Variants in APAF1 observed in about 807,000 individuals in gnomAD.
APAF1 encodes apoptotic peptidase activating factor 1.
A neutral mutation model predicts 152.4 loss-of-function variants in APAF1; 91 were observed. That is an observed-to-expected ratio of 0.60 (90% CI 0.50 to 0.71). The LOEUF is 0.71. Among genes scored for constraint, APAF1 ranks in the 30% least tolerant of loss-of-function variants. APAF1 has a pLI of 0.00. For synonymous variants in APAF1, 484 were observed against 494.1 expected, an observed-to-expected ratio of 0.98 and a Z score of 0.27; for missense variants, 1,283 against 1,472.0, an observed-to-expected ratio of 0.87 and a Z score of 2.10.
chr12:98,706,690 A>T, intron 19 of APAF1, 80 bp downstream of exon 19: 1 of 1,524,888 alleles, frequency 6.6e-7, no homozygotes, highest in Non-Finnish European at 9.1e-7. Flanking sequence ...ATTGATGGGT[A>T]GCACTGAGGT....
intron 12 of APAF1, among the ~76,000 whole-genome samples, chr12:98,673,506 A>G (rs1014161914): frequency 6.6e-6 from 1 of 151,806 alleles, no homozygotes; most frequent in East Asian, 1.9e-4. Context: ...TGCTCTTTCC[A>G]TATGTCATGC....
chr12:98,647,245 G>T (rs1374682412), intron 1 of APAF1, among the ~76,000 whole-genome samples: 1 of 143,780 alleles, frequency 7.0e-6, no homozygotes, highest in Non-Finnish European at 1.5e-5. Flanking sequence ...GTGAAACCCC[G>T]TCTGTACTAA....
intron 7 of APAF1, among the ~76,000 whole-genome samples, chr12:98,665,253 C>T (rs1053834477): frequency 3.5e-5 from 3 of 85,226 alleles, no homozygotes; most frequent in African/African-American, 9.2e-5. Context: ...CTTAGACTGG[C>T]GCATATATAT....
intron 20 of APAF1, 50 bp from the exon 21 acceptor site, chr12:98,712,269 A>G (rs1189719230): frequency 2.8e-6 from 3 of 1,058,368 alleles, no homozygotes; most frequent in Non-Finnish European, 4.4e-6. Flanking sequence ...TCTGACGAAC[A>G]AAAACTGCTC....
intron 18 of APAF1, among the ~76,000 whole-genome samples, chr12:98,704,852 T>G (rs985567938): frequency 6.6e-6 from 1 of 152,174 alleles, no homozygotes; most frequent in Non-Finnish European, 1.5e-5. Context: ...TAATCTCAGC[T>G]CACTGCAACC....
Position 98,662,702 on chromosome 12 carries a change from G to C in APAF1, c.851G>C (p.Ser284Thr), listed in dbSNP as rs1410958872. 6.2e-7 allele frequency: 1 copy of C among 1,613,204 alleles called. No homozygotes were observed. Among genetic ancestry groups the C allele is most frequent in the Non-Finnish European group, 8.5e-7 (1 of 1,179,628 alleles). Residue 284 changes from serine to threonine, a missense_variant, in exon 7 of 27, where the codon AGT (serine) becomes ACT (threonine). Ser to Thr is a moderately conservative substitution (Grantham distance 58). Transcript: ENST00000551964. ...MGPKYVVPVE[S>T]SLGKEKGLEI... The stretch of plus-strand genomic sequence containing the variant: ...CCTAAATATGTAGTCCCTGTGGAGA[G>C]TTCCTTAGGAAAGGAAAAAGGACTT...
At chr12:98,707,663 T>C (rs7315547) in intron 19 of APAF1, among the ~76,000 whole-genome samples, 36,929 of 148,518 alleles carry the variant, frequency 0.25, 4,911 homozygotes, top group African/African-American at 0.33. Flanking sequence ...CATTCAGTGC[T>C]TACTATATTC....
At chr12:98,646,843 A>G (rs191538718) in intron 1 of APAF1, among the ~76,000 whole-genome samples, 2 of 152,190 alleles carry the variant, frequency 1.3e-5, no homozygotes, top group Non-Finnish European at 2.9e-5. Flanking sequence ...AAAGGCTGTT[A>G]TTCTTTCCTC....
intron 16 of APAF1, among the ~76,000 whole-genome samples, chr12:98,690,751 C>T (rs2097703265): frequency 6.6e-6 from 1 of 152,178 alleles, no homozygotes; most frequent in Non-Finnish European, 1.5e-5. Flanking sequence ...TAATCCTTTT[C>T]TGCTGTTCTT....
intron 26 of APAF1, among the ~76,000 whole-genome samples, chr12:98,728,136 T>C (rs2097753937): frequency 6.6e-6 from 1 of 152,132 alleles, no homozygotes; most frequent in African/African-American, 2.4e-5. Context: ...TCCAGAGCTG[T>C]CATACTGCCT....
At chr12:98,700,951 T>C (rs150839793) in intron 17 of APAF1, among the ~76,000 whole-genome samples, 9 of 152,316 alleles carry the variant, frequency 5.9e-5, no homozygotes, top group African/African-American at 2.2e-4. Flanking sequence ...TTCTTATGGC[T>C]GAATAATATT....
chr12:98,667,587 CTG>C lies in APAF1; in HGVS notation c.1439_1440del (p.Cys480TyrfsTer31). Reference sequence around the variant, plus strand: ...ATACTCTTTCACCAGATCAGGAAGACTGTATGTATTGGTACAACTTTCTGGCC... The same window carrying C: ...ATACTCTTTCACCAGATCAGGAAGACTATGTATTGGTACAACTTTCTGGCC... The part of the protein sequence containing the change: ...PHTLSPDQED[C>X]MYWYNFLAYH... On this transcript the variant is annotated frameshift_variant, in exon 10 of 27. Coordinates refer to ENST00000551964, the MANE Select transcript of APAF1 (RefSeq NM_181861.2). LOFTEE classifies it high-confidence loss of function. 1 of 1,614,038 alleles carries C rather than the reference CTG, an allele frequency of 6.2e-7. No homozygotes were observed. Among genetic ancestry groups the C allele is most frequent in the Non-Finnish European group, 8.5e-7 (1 of 1,179,956 alleles).
chr12:98,686,740 A>T lies in APAF1; in HGVS notation c.2179-8A>T, dbSNP rs1177020900. 2 of 1,612,450 alleles carry T rather than the reference A, an allele frequency of 1.2e-6. No individual in the cohort carries two copies. The highest frequency in any genetic ancestry group is 4.5e-5 in the East Asian group (2 of 44,804). ...TTGTTTATTTATCTTTTTTTCTTTC[A>T]CAAATAGCTTTGGGATTTGAATCAA... On this transcript the variant is annotated splice_polypyrimidine_tract_variant and splice_region_variant and intron_variant, in intron 15 of 26. Coordinates refer to ENST00000551964, the MANE Select transcript of APAF1 (RefSeq NM_181861.2).
At position 98,708,655 on chromosome 12, in the gene APAF1, A is replaced by T. The variant is rs757495661; in HGVS notation, c.2792A>T (p.Gln931Leu). 8 of 1,613,736 alleles carry T rather than the reference A, an allele frequency of 5.0e-6. No homozygotes were observed. The East Asian group carries it at 1.6e-4, about 31-fold the overall frequency. Residue 931 changes from glutamine (Q) to leucine (L), a missense_variant, in exon 20 of 27, where the codon CAA becomes CTA. Gln to Leu is a moderately radical substitution (Grantham distance 113). Transcript: ENST00000551964. Reference protein sequence around the residue: ...MLKQEVDVVFQENEVMVLAVD... With the variant: ...MLKQEVDVVFLENEVMVLAVD... Reference sequence around the variant, plus strand: ...AAGCAAGAAGTAGATGTTGTGTTTCAAGAAAATGAAGTGATGGTCCTTGCA... The same window carrying T: ...AAGCAAGAAGTAGATGTTGTGTTTCTAGAAAATGAAGTGATGGTCCTTGCA...
chr12:98,728,799 C>G (rs1368684748), intron 26 of APAF1, among the ~76,000 whole-genome samples: 1 of 152,226 alleles, frequency 6.6e-6, no homozygotes, highest in Non-Finnish European at 1.5e-5. Flanking sequence ...ACCCAGGTCT[C>G]TGCCTCTGCT....
Position 98,678,300 on chromosome 12 carries a change from G to A in APAF1, c.1920+749G>A, listed in dbSNP as rs534837290. 2.6e-3 allele frequency among the ~76,000 whole-genome samples: 390 copies of A among 152,350 alleles called. 1 individual carries two copies. Among genetic ancestry groups the A allele is most frequent in the Middle Eastern group, 6.8e-3 (2 of 294 alleles). On this transcript the variant is annotated intron_variant, in intron 13 of 26. Coordinates refer to ENST00000551964, the MANE Select transcript of APAF1 (RefSeq NM_181861.2). ...TCTGACACTTCTTTTTGATGGCAGC[G>A]GCGGGCTGCCTGGAGTGGCTGCTGC... is the stretch of plus-strand genomic sequence containing the variant.
At chr12:98,651,584 G>A (rs950696313) in intron 4 of APAF1, among the ~76,000 whole-genome samples, 3 of 152,200 alleles carry the variant, frequency 2.0e-5, no homozygotes, top group Admixed American at 1.3e-4. Flanking sequence ...CTGCAGCAAA[G>A]CTGGGTTGAA....
In APAF1 at chr12:98,734,427, GTT is replaced by G. The variant is rs2097766256; in HGVS notation, c.*1862_*1863del. 6.6e-6 allele frequency: 1 copy of G among 152,154 alleles called. No individual in the cohort carries two copies. Among genetic ancestry groups the G allele is most frequent in the South Asian group, 2.1e-4 (1 of 4,824 alleles). The allele number at this position is 152,154 out of a possible 1,614,324, so 9.4% of individuals were successfully genotyped here. On this transcript the variant is annotated 3_prime_UTR_variant, in exon 27 of 27. Coordinates refer to ENST00000551964, the MANE Select transcript of APAF1 (RefSeq NM_181861.2). Reference sequence around the variant, plus strand: ...TGGAGATAAATTAATAGTAGATGTGGTTCCCAGAAAATATAATCAAAATTCAA... The same window carrying G: ...TGGAGATAAATTAATAGTAGATGTGGCCCAGAAAATATAATCAAAATTCAA...
chr12:98,671,242 C>T (rs1182075428), intron 11 of APAF1, among the ~76,000 whole-genome samples, 156 bp downstream of exon 11: 1 of 151,624 alleles, frequency 6.6e-6, no homozygotes, highest in East Asian at 1.9e-4. Flanking sequence ...TGCTTCCTAC[C>T]CTACTGGGAA....
Sources: gnomAD v4.1 joint callset for allele counts (sites outside exome capture counted in the v4.1 genomes callset) on GRCh38, gnomAD v4.1.1 for gene constraint, MANE v1.5 for transcripts, NCBI Gene and HGNC (gene_info 2026-07-23, HGNC 2026-07-21) for gene names.